CPNE2: variants seen among roughly 807,000 people sequenced by gnomAD.
The protein encoded by CPNE2 is copine 2, also known as copine-2.
Under a neutral mutation model 69.7 loss-of-function variants are expected in CPNE2, and 42 were observed. The observed-to-expected ratio is 0.60, with a 90% confidence interval of 0.47 to 0.78. The LOEUF (loss-of-function observed/expected upper bound fraction) is 0.78, where lower values mean the gene tolerates loss of function less well. Among genes scored for constraint, CPNE2 ranks in the 30% least tolerant of loss-of-function variants. CPNE2 has a pLI of 0.00. For missense variants in CPNE2, 587 were observed against 732.0 expected (o/e 0.80, Z 2.29); for synonymous variants, 294 against 289.8 (o/e 1.01, Z -0.15).
At chr16:57,107,608 C>A (rs897999929) in intron 1 of CPNE2, among the ~76,000 whole-genome samples, 5 of 152,200 alleles carry the variant, frequency 3.3e-5, no homozygotes, top group Admixed American at 6.5e-5. Context: ...ACAGCAGCTG[C>A]CTCCTCACTG....
intron 1 of CPNE2, among the ~76,000 whole-genome samples, chr16:57,102,550 G>A (rs1256110531): frequency 6.6e-6 from 1 of 152,050 alleles, no homozygotes; most frequent in African/African-American, 2.4e-5. Flanking sequence ...CACCAGCCTG[G>A]AGGGAGAGCC....
chr16:57,105,011 AG>A (rs2069639439), intron 1 of CPNE2, among the ~76,000 whole-genome samples: 2 of 152,214 alleles, frequency 1.3e-5, no homozygotes, highest in South Asian at 4.2e-4. Flanking sequence ...GACCTGGATG[AG>A]GAGGTCACAG....
At chr16:57,117,650 C>A in intron 5 of CPNE2, 83 bp downstream of exon 5, 2 of 1,461,184 alleles carry the variant, frequency 1.4e-6, no homozygotes, top group South Asian at 1.2e-5. Flanking sequence ...TCCGGGACCT[C>A]GGGCCACCAC....
chr16:57,107,450 C>T (rs1245799187), intron 1 of CPNE2, among the ~76,000 whole-genome samples: 1 of 152,198 alleles, frequency 6.6e-6, no homozygotes, highest in Non-Finnish European at 1.5e-5. Context: ...GCCCCACTCT[C>T]ACCCTGGCCT....
intron 9 of CPNE2, among the ~76,000 whole-genome samples, chr16:57,122,754 G>C (rs2069772268): frequency 6.6e-6 from 1 of 151,988 alleles, no homozygotes; most frequent in Non-Finnish European, 1.5e-5. Context: ...CACTACGCCT[G>C]GCTAATTTTT....
At chr16:57,108,138 G>A (rs2069659353) in intron 1 of CPNE2, among the ~76,000 whole-genome samples, 1 of 152,144 alleles carries the variant, frequency 6.6e-6, no homozygotes, top group African/African-American at 2.4e-5. Context: ...CCAAAGTGCT[G>A]GGATTACAGG....
At chr16:57,140,928 G>A (rs2069917895) in intron 14 of CPNE2, 1 of 148,892 alleles carries the variant, frequency 6.7e-6, no homozygotes, top group Non-Finnish European at 1.5e-5. Flanking sequence ...GAACTGGCTA[G>A]AGAGGGCACA....
chr16:57,093,731 T>G (rs950971001), intron 1 of CPNE2, among the ~76,000 whole-genome samples: 19 of 152,238 alleles, frequency 1.2e-4, no homozygotes, highest in African/African-American at 4.6e-4. Flanking sequence ...CCCTTTTTTT[T>G]GTCTGCCTTA....
chr16:57,111,431 A>G (rs2069681528), intron 2 of CPNE2, among the ~76,000 whole-genome samples: 1 of 152,166 alleles, frequency 6.6e-6, no homozygotes. Flanking sequence ...ACCTGCCTCC[A>G]CTTCCCAAAG....
At chr16:57,129,810 C>A (rs1168812360) in intron 12 of CPNE2, among the ~76,000 whole-genome samples, 1 of 152,050 alleles carries the variant, frequency 6.6e-6, no homozygotes. Context: ...CAGAGTGAGA[C>A]CCTGTTACAA....
intron 1 of CPNE2, among the ~76,000 whole-genome samples, chr16:57,105,316 G>A (rs755267233): frequency 6.6e-6 from 1 of 152,210 alleles, no homozygotes; most frequent in Non-Finnish European, 1.5e-5. Flanking sequence ...GGCTAAAACC[G>A]TGATGTTCTA....
Position 57,146,246 on chromosome 16 carries a change from C to T in CPNE2, c.1464C>T (p.Arg488=), listed in dbSNP as rs2279407. The change falls in exon 15 of 16, where the codon CGC becomes CGT. Residue 488 remains arginine (R), a synonymous_variant. Transcript: ENST00000290776. This position sits in a 1 kb window ranked among gnomAD's most constrained non-coding sequence, Gnocchi z 4.4. Reference sequence around the variant, plus strand: ...TGGAGTTCCTGGATGGGGACAGCCGCATGCTGCGCTCCCACACGGGGGAGG... The same window carrying T: ...TGGAGTTCCTGGATGGGGACAGCCGTATGCTGCGCTCCCACACGGGGGAGG... ...AAMEFLDGDS[R]MLRSHTGEEA... is the part of the protein sequence containing the mutation. 50 of 1,559,150 alleles carry T rather than the reference C, an allele frequency of 3.2e-5. No individual in the cohort carries two copies. Among genetic ancestry groups the T allele is most frequent in the Non-Finnish European group, 4.2e-5 (48 of 1,150,944 alleles).
intron 11 of CPNE2, among the ~76,000 whole-genome samples, chr16:57,127,178 G>T (rs2069806605): frequency 6.6e-6 from 1 of 152,226 alleles, no homozygotes; most frequent in Admixed American, 6.5e-5. Context: ...GCATTTTAGG[G>T]TATCAGGGAA....
At position 57,105,435 on chromosome 16, in the gene CPNE2, T is replaced by G. The variant is rs556774230; in HGVS notation, c.-35-5273T>G. ...GGCTGAATCCTATGTGTCCGGTTTT[T>G]TTTTTTTTTTTAACTTTTAAGACAG... On this transcript the variant is annotated intron_variant, in intron 1 of 15. Transcript: ENST00000290776. Among the ~76,000 whole-genome samples the G allele has an allele frequency of 7.9e-5, 12 of 152,098 alleles. No individual in the cohort carries two copies. In the South Asian group the frequency reaches 1.7e-3, roughly 21 times the overall value.
At chr16:57,143,996 T>C (rs545929945) in intron 14 of CPNE2, 1 of 152,554 alleles carries the variant, frequency 6.6e-6, no homozygotes, top group Admixed American at 6.5e-5. Context: ...TCTTTCTACC[T>C]ATCTGCTTAG....
rs73548853 is a variant in CPNE2, at chr16:57,108,337, C to T, written c.-35-2371C>T. On this transcript the variant is annotated intron_variant, in intron 1 of 15. Coordinates refer to ENST00000290776, the MANE Select transcript of CPNE2 (RefSeq NM_152727.6). Reference sequence around the variant, plus strand: ...CTGAGTGAGGATTAGTGACATTGTTCAGGTGACATGCTCAATTAGTGCTCA... The same window carrying T: ...CTGAGTGAGGATTAGTGACATTGTTTAGGTGACATGCTCAATTAGTGCTCA... Among the ~76,000 whole-genome samples the T allele has an allele frequency of 7.0e-3, 1,074 of 152,358 alleles. 9 individuals are homozygous for T. Among genetic ancestry groups the T allele is most frequent in the African/African-American group, 0.024 (1,004 of 41,582 alleles).
chr16:57,115,568 G>A lies in CPNE2; in HGVS notation c.435+18G>A, dbSNP rs369587924. The A allele has an allele frequency of 2.5e-6, 4 of 1,592,642 alleles. No homozygotes were observed. Among genetic ancestry groups the A allele is most frequent in the Non-Finnish European group, 3.4e-6 (4 of 1,164,654 alleles). On this transcript the variant is annotated intron_variant, in intron 4 of 15. Coordinates refer to ENST00000290776, the MANE Select transcript of CPNE2 (RefSeq NM_152727.6). ...TGATTACGGTACCAGTCCCCTCCCG[G>A]CTCTCCGCACCCCCTCCATCCCCAC...
chr16:57,147,483 CG>C, intron 15 of CPNE2, 67 bp from the exon 16 acceptor site: 1 of 1,179,092 alleles, frequency 8.5e-7, no homozygotes, highest in Non-Finnish European at 1.2e-6. Flanking sequence ...GGCATAGTGC[CG>C]CTCACAACTT....
At chr16:57,104,478 A>T (rs951555594) in intron 1 of CPNE2, among the ~76,000 whole-genome samples, 1 of 152,200 alleles carries the variant, frequency 6.6e-6, no homozygotes, top group Non-Finnish European at 1.5e-5. Flanking sequence ...GGGTTTGAGA[A>T]GCTGCCTGTG....
Sources: allele counts gnomAD v4.1 joint callset (sites outside exome capture counted in the v4.1 genomes callset), GRCh38; gene constraint gnomAD v4.1.1; non-coding constraint Gnocchi (gnomAD v3.1); transcripts MANE v1.5; gene names NCBI Gene and HGNC (gene_info 2026-07-23, HGNC 2026-07-21).